Variants in KHDRBS3 observed in about 807,000 individuals in gnomAD.
KHDRBS3 encodes KH domain-containing, RNA-binding, signal transduction-associated protein 3.
KHDRBS3 carries 23 observed loss-of-function variants against 45.6 expected under a neutral mutation model. The observed-to-expected ratio is 0.50, with a 90% CI of 0.36 to 0.72. KHDRBS3 has a LOEUF of 0.72. Ranked by LOEUF, KHDRBS3 falls within the 30% of genes least tolerant of loss-of-function variation. KHDRBS3 has a pLI of 0.00. For missense variants in KHDRBS3, 352 were observed against 424.8 expected, an observed-to-expected ratio of 0.83 and a Z score of 1.51; for synonymous variants, 162 against 156.5, an observed-to-expected ratio of 1.04 and a Z score of -0.26.
intron 6 of KHDRBS3, among the ~76,000 whole-genome samples, chr8:135,594,174 T>C (rs1323531874): frequency 6.6e-6 from 1 of 152,210 alleles, no homozygotes; most frequent in Non-Finnish European, 1.5e-5. Context: ...ATAAGGACTA[T>C]AGTGGTTAAA....
intron 6 of KHDRBS3, among the ~76,000 whole-genome samples, chr8:135,601,353 A>G (rs188071170): frequency 8.5e-5 from 13 of 152,332 alleles, no homozygotes; most frequent in African/African-American, 1.7e-4. Context: ...GGAAGTACAT[A>G]TATTAGGTCC....
Position 135,647,566 on chromosome 8 carries a change from G to A in KHDRBS3, c.*482G>A, listed in dbSNP as rs2131212524. 1 of 152,714 alleles carries A rather than the reference G, an allele frequency of 6.5e-6. No homozygotes were observed. The highest frequency in any genetic ancestry group is 2.4e-5 in the African/African-American group (1 of 41,556). 9.5% of individuals were successfully genotyped at this position (152,714 alleles called of 1,614,324 possible). The stretch of plus-strand genomic sequence containing the variant: ...GTCTTGAAATGTTCTGTAGTGTTAA[G>A]CAAAGTCTCCTCTTGCTTGATACTA... On this transcript the variant is annotated 3_prime_UTR_variant, in exon 9 of 9. Transcript: ENST00000355849.
chr8:135,606,998 A>G lies in KHDRBS3; in HGVS notation c.851A>G (p.Tyr284Cys). ...GYGTAYDEQS[Y>C]DSYDNSYSTP... ...GGCACTGCTTATGATGAACAGAGTT[A>G]TGATTCCTATGATAACAGCTATAGC... Residue 284 changes from tyrosine (Y) to cysteine (C), a missense_variant, in exon 7 of 9, where the codon TAT becomes TGT. By Grantham distance (194) the Tyr-to-Cys change is radical. Coordinates refer to ENST00000355849, the MANE Select transcript of KHDRBS3 (RefSeq NM_006558.3). 1.2e-6 allele frequency: 2 copies of G among 1,613,682 alleles called. No individual in the cohort carries two copies. The highest frequency in any genetic ancestry group is 1.7e-6 in the Non-Finnish European group (2 of 1,179,720).
chr8:135,549,190 G>A (rs542573865), intron 4 of KHDRBS3: 19 of 214,598 alleles, frequency 8.9e-5, no homozygotes, highest in Non-Finnish European at 1.6e-4. Context: ...CTTTTCCTAC[G>A]ATTTTATGTG....
intron 2 of KHDRBS3, among the ~76,000 whole-genome samples, chr8:135,530,163 T>C (rs1373420960): frequency 1.3e-5 from 2 of 152,204 alleles, no homozygotes; most frequent in Non-Finnish European, 2.9e-5. Flanking sequence ...GATATATCTC[T>C]ATGTCTATTG....
chr8:135,567,425 G>C (rs1438453949), intron 5 of KHDRBS3, among the ~76,000 whole-genome samples: 1 of 152,122 alleles, frequency 6.6e-6, no homozygotes, highest in Non-Finnish European at 1.5e-5. Context: ...ACTATTTCCA[G>C]AAGTATGGAA....
chr8:135,633,670 C>T (rs34620477), intron 7 of KHDRBS3, among the ~76,000 whole-genome samples: 30,981 of 151,972 alleles, frequency 0.2, 3,706 homozygotes, highest in Middle Eastern at 0.28. Context: ...TTTTAAAATT[C>T]TGTTTTGTCC....
intron 6 of KHDRBS3, among the ~76,000 whole-genome samples, chr8:135,590,338 T>A (rs893775873): frequency 6.6e-6 from 1 of 152,242 alleles, no homozygotes; most frequent in Non-Finnish European, 1.5e-5. Context: ...GTGGCTGTAC[T>A]TGGTTTCTAA....
chr8:135,460,338 C>G lies in KHDRBS3; in HGVS notation c.88+2384C>G, dbSNP rs188246655. On this transcript the variant is annotated intron_variant, in intron 1 of 8. Coordinates refer to ENST00000355849, the MANE Select transcript of KHDRBS3 (RefSeq NM_006558.3). ...ATGGTATCTCTAAACTCTAACAAGG[C>G]CTTACATTTGCATAGTATTTTAAAG... Among the ~76,000 whole-genome samples the G allele has an allele frequency of 9.8e-3, 1,494 of 152,304 alleles. 20 individuals carry two copies. Among genetic ancestry groups the G allele is most frequent in the Non-Finnish European group, 0.012 (823 of 68,034 alleles).
intron 7 of KHDRBS3, among the ~76,000 whole-genome samples, chr8:135,619,864 G>T (rs2131082104): frequency 6.6e-6 from 1 of 152,286 alleles, no homozygotes; most frequent in Non-Finnish European, 1.5e-5. Context: ...CAGGGAAACT[G>T]GTTACAAAGG....
chr8:135,547,227 A>G (rs767961711), intron 3 of KHDRBS3, among the ~76,000 whole-genome samples: 2 of 152,130 alleles, frequency 1.3e-5, no homozygotes, highest in Non-Finnish European at 2.9e-5. Context: ...GGCAGCTTAT[A>G]TTTACATATA....
At chr8:135,604,856 C>T (rs1286602772) in intron 6 of KHDRBS3, among the ~76,000 whole-genome samples, 2 of 151,022 alleles carry the variant, frequency 1.3e-5, no homozygotes, top group African/African-American at 4.9e-5. Context: ...ATTCAAATGA[C>T]CTTTGTCTTA....
At chr8:135,534,963 G>A (rs986366324) in intron 2 of KHDRBS3, among the ~76,000 whole-genome samples, 1 of 152,070 alleles carries the variant, frequency 6.6e-6, no homozygotes, top group Non-Finnish European at 1.5e-5. Context: ...TGAGGTCCCC[G>A]CTGACAGCCA....
chr8:135,574,791 T>A (rs2130899815), intron 5 of KHDRBS3, among the ~76,000 whole-genome samples: 1 of 152,304 alleles, frequency 6.6e-6, no homozygotes, highest in South Asian at 2.1e-4. Context: ...ACTACAGAAA[T>A]TATATCACCA....
At chr8:135,469,076 C>T (rs148909036) in intron 1 of KHDRBS3, among the ~76,000 whole-genome samples, 1 of 152,350 alleles carries the variant, frequency 6.6e-6, no homozygotes, top group Non-Finnish European at 1.5e-5. Flanking sequence ...CTGCATTCTG[C>T]ATAGGGTCAG....
At chr8:135,632,288 C>G (rs527991635) in intron 7 of KHDRBS3, among the ~76,000 whole-genome samples, 1 of 152,128 alleles carries the variant, frequency 6.6e-6, no homozygotes, top group Non-Finnish European at 1.5e-5. Flanking sequence ...AGCCTTAGGC[C>G]CTCACCATCT....
chr8:135,586,795 A>G (rs1018214610), intron 6 of KHDRBS3, among the ~76,000 whole-genome samples: 6 of 152,180 alleles, frequency 3.9e-5, no homozygotes, highest in Admixed American at 3.9e-4. Flanking sequence ...ATCAACTTTC[A>G]TTTAAAATTT....
At position 135,541,000 on chromosome 8, in the gene KHDRBS3, A is replaced by G. The variant is rs555352796; in HGVS notation, c.208-1654A>G. 3.3e-5 allele frequency: 5 copies of G among 152,384 alleles called. No individual in the cohort carries two copies. The South Asian group carries it at 1.0e-3, about 32-fold the overall frequency. 9.4% of individuals were successfully genotyped at this position (152,384 alleles called of 1,614,324 possible). On this transcript the variant is annotated intron_variant, in intron 2 of 8. Transcript: ENST00000355849. ...AGGCGGGGACAGGCTGCTGTCATCA[A>G]TATCTTCAGAAAGGATGAGAAATTT...
chr8:135,472,358 G>A (rs949687019), intron 1 of KHDRBS3, among the ~76,000 whole-genome samples: 1 of 152,156 alleles, frequency 6.6e-6, no homozygotes, highest in African/African-American at 2.4e-5. Flanking sequence ...CCAGACACCA[G>A]ACACACGATG....
Sources: allele counts gnomAD v4.1 joint callset (sites outside exome capture counted in the v4.1 genomes callset), GRCh38; gene constraint gnomAD v4.1.1; transcripts MANE v1.5; gene names NCBI Gene and HGNC (gene_info 2026-07-23, HGNC 2026-07-21).